The following SLC38A3 variants were observed in gnomAD, a reference collection of about 807,000 sequenced individuals.
SLC38A3 encodes the protein sodium-coupled neutral amino acid transporter 3.
SLC38A3 carries 17 observed loss-of-function variants against 59.5 expected under a neutral mutation model. The observed-to-expected ratio is 0.29, with a 90% confidence interval of 0.20 to 0.43. The LOEUF is 0.43. Ranked by LOEUF, SLC38A3 falls within the 20% of genes least tolerant of loss-of-function variation. The pLI, the probability that SLC38A3 is intolerant of heterozygous loss-of-function variation, is 1.00. For missense variants in SLC38A3, 454 were observed against 653.9 expected, an observed-to-expected ratio of 0.69 and a Z score of 3.33; for synonymous variants, 238 against 260.3, an observed-to-expected ratio of 0.91 and a Z score of 0.82.
At position 50,217,630 on chromosome 3, in the gene SLC38A3, AGTCCAGCCT is replaced by A. The variant is rs1221825603; in HGVS notation, c.691-44_691-36del. Reference sequence around the variant, plus strand: ...GTGGCTTCATGGTGACTTCCCAGGCAGTCCAGCCTGGGAGTCTCTGACACCCTCATCCCT... The same window carrying A: ...GTGGCTTCATGGTGACTTCCCAGGCAGGGAGTCTCTGACACCCTCATCCCT... On this transcript the variant is annotated intron_variant, in intron 9 of 15. Transcript: ENST00000614032. This position sits in a 1 kb window ranked among gnomAD's most constrained non-coding sequence, Gnocchi z 4.9. 4 of 1,601,722 alleles carry A rather than the reference AGTCCAGCCT, an allele frequency of 2.5e-6. No homozygotes were observed. In the African/African-American group the frequency reaches 5.4e-5, roughly 22 times the overall value.
In SLC38A3 at chr3:50,218,662, T is replaced by C. The variant is rs768309784; in HGVS notation, c.1106T>C (p.Val369Ala). 2 of 1,613,638 alleles carry C rather than the reference T, an allele frequency of 1.2e-6. No homozygotes were observed. The highest frequency in any genetic ancestry group is 1.7e-6 in the Non-Finnish European group (2 of 1,179,622). ...VDPFDVLILC[V>A]RVAVLTAVTL... ...CCGTTTGACGTCCTGATCCTGTGTG[T>C]GCGCGTGGCCGTGCTGACAGCAGTC... The change falls in exon 13 of 16, where the codon GTG becomes GCG. Residue 369 changes from valine to alanine, a missense_variant. By Grantham distance (64) the Val-to-Ala change is moderately conservative. Transcript: ENST00000614032. This position sits in a 1 kb window ranked among gnomAD's most constrained non-coding sequence, Gnocchi z 5.8.
intron 1 of SLC38A3, among the ~76,000 whole-genome samples, chr3:50,213,341 G>GA (rs1449636262): frequency 6.6e-6 from 1 of 152,168 alleles, no homozygotes; most frequent in Non-Finnish European, 1.5e-5. Flanking sequence ...GAGAGGCTTG[G>GA]AAAAAAACAT....
chr3:50,215,934 A>G lies in SLC38A3; in HGVS notation c.548+113A>G, dbSNP rs1699813022. The G allele has an allele frequency of 5.1e-6, 4 of 790,464 alleles. No individual in the cohort carries two copies. Among genetic ancestry groups the G allele is most frequent in the Non-Finnish European group, 8.3e-6 (4 of 482,570 alleles). The allele number at this position is 790,464 out of a possible 1,614,324, so 49.0% of individuals were successfully genotyped here. ...CCCAGGCTGGGCTGGTGGGAGAGACAAGACAAAGCAGACAAGAAGCTGGTG... is the reference window on the plus strand; with the variant it reads ...CCCAGGCTGGGCTGGTGGGAGAGACGAGACAAAGCAGACAAGAAGCTGGTG... On this transcript the variant is annotated intron_variant, in intron 7 of 15. Transcript: ENST00000614032. This position sits in a 1 kb window ranked among gnomAD's most constrained non-coding sequence, Gnocchi z 7.1.
At chr3:50,208,297 G>A (rs1315683979) in intron 1 of SLC38A3, among the ~76,000 whole-genome samples, 1 of 141,894 alleles carries the variant, frequency 7.0e-6, no homozygotes, top group Non-Finnish European at 1.5e-5. Context: ...GGGTCTCGCT[G>A]TGTTACCCAG....
chr3:50,209,679 T>C (rs1575423228), intron 1 of SLC38A3, among the ~76,000 whole-genome samples: 1 of 146,492 alleles, frequency 6.8e-6, no homozygotes, highest in Non-Finnish European at 1.5e-5. Context: ...AAAAAGAAAA[T>C]GTACCCGGCC....
intron 15 of SLC38A3, 44 bp downstream of exon 15, chr3:50,220,028 G>A (rs1317038523): frequency 1.9e-6 from 3 of 1,601,684 alleles, no homozygotes; most frequent in South Asian, 1.1e-5. Context: ...GGGGCTAAGG[G>A]AACTGCCCTG....
intron 1 of SLC38A3, among the ~76,000 whole-genome samples, chr3:50,212,340 G>C (rs900973041): frequency 6.6e-6 from 1 of 152,182 alleles, no homozygotes; most frequent in African/African-American, 2.4e-5. Flanking sequence ...GCTGAGTGCA[G>C]GGGGGACTCT....
At chr3:50,208,796 GTC>G (rs1248804418) in intron 1 of SLC38A3, among the ~76,000 whole-genome samples, 1 of 152,220 alleles carries the variant, frequency 6.6e-6, no homozygotes, top group Admixed American at 6.5e-5. Context: ...CTGTCTGTCT[GTC>G]TCTGTGTGTG....
At chr3:50,220,010 G>A in intron 15 of SLC38A3, 26 bp downstream of exon 15, 1 of 1,604,624 alleles carries the variant, frequency 6.2e-7, no homozygotes, top group African/African-American at 1.3e-5. Flanking sequence ...AGGCCGGTGG[G>A]CTGGTATGGG....
rs1699830546 is a variant in SLC38A3 at position 50,217,171 on chromosome 3, G to A, written c.549-67G>A. On this transcript the variant is annotated intron_variant, in intron 7 of 15. Coordinates refer to ENST00000614032, the MANE Select transcript of SLC38A3 (RefSeq NM_006841.6). This position sits in a 1 kb window ranked among gnomAD's most constrained non-coding sequence, Gnocchi z 4.9. ...TGGCACCATTGGTAACTCCAGCAGA[G>A]GGAGGCAGGGGCCCCATCCCAGGCT... is the stretch of plus-strand genomic sequence containing the variant. 2 of 1,033,588 alleles carry A rather than the reference G, an allele frequency of 1.9e-6. No homozygotes were observed. Among genetic ancestry groups the A allele is most frequent in the South Asian group, 1.4e-5 (1 of 73,970 alleles). 64.0% of individuals were successfully genotyped at this position (1,033,588 alleles called of 1,614,324 possible).
intron 1 of SLC38A3, among the ~76,000 whole-genome samples, chr3:50,206,228 A>ACCTGAGT (rs1465080610): frequency 1.3e-5 from 2 of 152,188 alleles, no homozygotes; most frequent in African/African-American, 4.8e-5. Context: ...CCCCACGGGG[A>ACCTGAGT]CCTGAGTCCT....
chr3:50,212,388 C>T (rs1167950386), intron 1 of SLC38A3, among the ~76,000 whole-genome samples: 3 of 152,208 alleles, frequency 2.0e-5, no homozygotes. Flanking sequence ...ACCTCTATAC[C>T]CAGGTGGGAC....
In SLC38A3 at chr3:50,217,505, G is replaced by C. The variant is rs587646740; in HGVS notation, c.690+32G>C. 1 of 1,607,936 alleles carries C rather than the reference G, an allele frequency of 6.2e-7. No individual in the cohort carries two copies. Among genetic ancestry groups the C allele is most frequent in the Non-Finnish European group, 8.5e-7 (1 of 1,176,850 alleles). On this transcript the variant is annotated intron_variant, in intron 9 of 15. Transcript: ENST00000614032. The surrounding 1 kb of genome is among the most constrained non-coding windows in gnomAD (Gnocchi z 4.9). ...CACCCTCCATGTTGGCTGAGAAAGC[G>C]GGCAGCGGGTCTCCTGGGGGAGTTC...
Position 50,215,848 on chromosome 3 carries a change from G to A in SLC38A3, c.548+27G>A, listed in dbSNP as rs925157407. 8 of 1,258,076 alleles carry A rather than the reference G, an allele frequency of 6.4e-6. No individual in the cohort carries two copies. Among genetic ancestry groups the A allele is most frequent in the Non-Finnish European group, 5.7e-6 (5 of 882,648 alleles). 77.9% of individuals were successfully genotyped at this position (1,258,076 alleles called of 1,614,324 possible). A position where few individuals can be genotyped will look rare whatever the true frequency, so the allele number is the denominator to read the frequency against. ...TGAGCCCTGGCGTGGGGAGGGGAGG[G>A]GAGGGGTGCGGTGCAGTGAGGAGGG... On this transcript the variant is annotated intron_variant, in intron 7 of 15. Coordinates refer to ENST00000614032, the MANE Select transcript of SLC38A3 (RefSeq NM_006841.6). The surrounding 1 kb of genome is among the most constrained non-coding windows in gnomAD (Gnocchi z 7.1).
At chr3:50,205,957 C>T (rs902331499) in intron 1 of SLC38A3, among the ~76,000 whole-genome samples, 2 of 152,246 alleles carry the variant, frequency 1.3e-5, no homozygotes, top group African/African-American at 4.8e-5. Context: ...GAGGAGCCAG[C>T]GGGCACAGCG....
chr3:50,219,900 C>T lies in SLC38A3; in HGVS notation c.1326C>T (p.Phe442=). 6.2e-7 allele frequency: 1 copy of T among 1,612,888 alleles called. No homozygotes were observed. Among genetic ancestry groups the T allele is most frequent in the Non-Finnish European group, 8.5e-7 (1 of 1,179,446 alleles). The change falls in exon 15 of 16, where the codon TTC becomes TTT. Residue 442 remains phenylalanine, a synonymous_variant. Coordinates refer to ENST00000614032, the MANE Select transcript of SLC38A3 (RefSeq NM_006841.6). ...FGVIGATSAP[F]LIFIFPAIFY... is the part of the protein sequence containing the mutation. ...TTGCAGGTGCCACATCTGCCCCATTCCTCATCTTCATCTTCCCTGCCATCT... is the reference window on the plus strand; with the variant it reads ...TTGCAGGTGCCACATCTGCCCCATTTCTCATCTTCATCTTCCCTGCCATCT...
rs1242840922 is a variant in SLC38A3, at chr3:50,215,884, G to T, written c.548+63G>T. 2 of 491,904 alleles carry T rather than the reference G, an allele frequency of 4.1e-6. No homozygotes were observed. Among genetic ancestry groups the T allele is most frequent in the East Asian group, 4.2e-5 (1 of 24,078 alleles). 30.5% of individuals were successfully genotyped at this position (491,904 alleles called of 1,614,324 possible). On this transcript the variant is annotated intron_variant, in intron 7 of 15. Transcript: ENST00000614032. The surrounding 1 kb of genome is among the most constrained non-coding windows in gnomAD (Gnocchi z 7.1). Reference sequence around the variant, plus strand: ...GTGCAGTGAGGAGGGGTGGGGTGGGGTGGGGCTGGGTGAGGGTGGGGGGGC... The same window carrying T: ...GTGCAGTGAGGAGGGGTGGGGTGGGTTGGGGCTGGGTGAGGGTGGGGGGGC...
chr3:50,215,835 TGGGGAGGGGA>T lies in SLC38A3; in HGVS notation c.548+24_548+33del. ...GGAGAAAACCTCGTGAGCCCTGGCG[TGGGGAGGGGA>T]GGGGAGGGGTGCGGTGCAGTGAGGA... On this transcript the variant is annotated intron_variant, in intron 7 of 15. Transcript: ENST00000614032. This position sits in a 1 kb window ranked among gnomAD's most constrained non-coding sequence, Gnocchi z 7.1. 5.3e-6 allele frequency: 6 copies of T among 1,122,942 alleles called. No homozygotes were observed. Among genetic ancestry groups the T allele is most frequent in the Non-Finnish European group, 6.7e-6 (6 of 889,344 alleles). 69.6% of individuals were successfully genotyped at this position (1,122,942 alleles called of 1,614,324 possible).
rs924354447 is a variant in SLC38A3, at chr3:50,220,008, G to T, written c.1410+24G>T. ...TGGTGCGAGGGGCCTGGAGGCCGGTGGGCTGGTATGGGGCTAAGGGAACTG... is the reference window on the plus strand; with the variant it reads ...TGGTGCGAGGGGCCTGGAGGCCGGTTGGCTGGTATGGGGCTAAGGGAACTG... On this transcript the variant is annotated intron_variant, in intron 15 of 15. Transcript: ENST00000614032. 12 of 1,604,446 alleles carry T rather than the reference G, an allele frequency of 7.5e-6. No homozygotes were observed. In the African/African-American group the frequency reaches 1.6e-4, roughly 21 times the overall value.
Sources: allele counts gnomAD v4.1 joint callset (sites outside exome capture counted in the v4.1 genomes callset), GRCh38; gene constraint gnomAD v4.1.1; non-coding constraint Gnocchi (gnomAD v3.1); transcripts MANE v1.5; gene names NCBI Gene and HGNC (gene_info 2026-07-23, HGNC 2026-07-21).